The following CATSPERT variants were observed in gnomAD, a reference collection of about 807,000 sequenced individuals.
CATSPERT encodes catsper channel auxiliary subunit tau, also known as cation channel sperm-associated targeting subunit tau.
chr2:201,599,423 C>T, the CATSPERT span, among the ~76,000 whole-genome samples: 1 of 152,106 alleles, frequency 6.6e-6, no homozygotes, highest in African/African-American at 2.4e-5. Context: ...TATTATCTCT[C>T]AATTCTCCCC....
At chr2:201,524,122 C>A in the CATSPERT span, among the ~76,000 whole-genome samples, 1 of 151,904 alleles carries the variant, frequency 6.6e-6, no homozygotes, top group Non-Finnish European at 1.5e-5. Flanking sequence ...ATATAGTTAT[C>A]CCCATCACCA....
the CATSPERT span, among the ~76,000 whole-genome samples, chr2:201,616,512 T>G: frequency 6.6e-6 from 1 of 152,206 alleles, no homozygotes; most frequent in Admixed American, 6.5e-5. Context: ...CAACAGCCCT[T>G]CATGCTAAAA....
At chr2:201,530,135 C>G in the CATSPERT span, among the ~76,000 whole-genome samples, 1 of 151,980 alleles carries the variant, frequency 6.6e-6, no homozygotes, top group Non-Finnish European at 1.5e-5. Flanking sequence ...AAAAGGGAAC[C>G]CTTGTACACT....
chr2:201,496,592 C>T, the CATSPERT span, among the ~76,000 whole-genome samples: 1 of 152,226 alleles, frequency 6.6e-6, no homozygotes. Flanking sequence ...ATCCGTTTTC[C>T]TTGGCCTCCC....
chr2:201,592,896 C>T, the CATSPERT span, among the ~76,000 whole-genome samples: 7 of 152,032 alleles, frequency 4.6e-5, no homozygotes, highest in Admixed American at 1.3e-4. Flanking sequence ...GTCTTGCTAG[C>T]GGTCTATCAA....
chr2:201,602,676 C>T, the CATSPERT span, among the ~76,000 whole-genome samples: 1 of 152,036 alleles, frequency 6.6e-6, no homozygotes, highest in African/African-American at 2.4e-5. Flanking sequence ...GTTACTCTCA[C>T]ATCAAAAAGT....
chr2:201,541,565 ATATATATATATAT>A, the CATSPERT span, among the ~76,000 whole-genome samples: 3 of 103,332 alleles, frequency 2.9e-5, no homozygotes, highest in African/African-American at 4.0e-5. Flanking sequence ...ATATATATAT[ATATATATATATAT>A]AAAATTTACA....
chr2:201,515,753 A>G, the CATSPERT span, among the ~76,000 whole-genome samples: 42 of 152,280 alleles, frequency 2.8e-4, no homozygotes, highest in African/African-American at 8.9e-4. Flanking sequence ...CAAATCTCAT[A>G]TCAAATTGTA....
chr2:201,489,859 ATT>A, the CATSPERT span, among the ~76,000 whole-genome samples: 1 of 142,822 alleles, frequency 7.0e-6, no homozygotes, highest in Non-Finnish European at 1.5e-5. Flanking sequence ...TACTTTCCTA[ATT>A]TTTTTTTTTT....
chr2:201,619,062 G>C, the CATSPERT span: 3 of 1,614,176 alleles, frequency 1.9e-6, no homozygotes, highest in Non-Finnish European at 2.5e-6. Flanking sequence ...TGGCGGACAG[G>C]ACTTGGACCT....
At chr2:201,584,348 G>A in the CATSPERT span, among the ~76,000 whole-genome samples, 2 of 152,042 alleles carry the variant, frequency 1.3e-5, no homozygotes, top group African/African-American at 4.8e-5. Context: ...GGAATGCTGG[G>A]CAGAGAGACA....
chr2:201,493,395 G>A, the CATSPERT span: 17 of 1,536,878 alleles, frequency 1.1e-5, no homozygotes, highest in South Asian at 3.6e-5. Flanking sequence ...GTTCTGTCTC[G>A]CTTCTGATTT....
the CATSPERT span, chr2:201,511,845 TAAAAAAAAAA>T: frequency 1.2e-5 from 1 of 86,628 alleles, no homozygotes; most frequent in Non-Finnish European, 2.2e-5. Context: ...CTTGGCTCAT[TAAAAAAAAAA>T]AAAAAAAAAA....
the CATSPERT span, among the ~76,000 whole-genome samples, chr2:201,542,250 C>T: frequency 6.6e-6 from 1 of 152,004 alleles, no homozygotes; most frequent in Non-Finnish European, 1.5e-5. Flanking sequence ...TGTGTGTATA[C>T]CACATTTTGT....
the CATSPERT span, chr2:201,601,769 C>T: frequency 2.9e-5 from 47 of 1,611,364 alleles, no homozygotes; most frequent in East Asian, 6.7e-5. Context: ...CTTCATCGAA[C>T]TTAATTACAG....
chr2:201,585,201 G>A, the CATSPERT span, among the ~76,000 whole-genome samples: 2 of 151,940 alleles, frequency 1.3e-5, no homozygotes, highest in African/African-American at 4.8e-5. Flanking sequence ...CATGGACACA[G>A]GGGAGGGGAA....
chr2:201,581,926 C>A, the CATSPERT span, among the ~76,000 whole-genome samples: 1 of 151,854 alleles, frequency 6.6e-6, no homozygotes, highest in Non-Finnish European at 1.5e-5. Flanking sequence ...CTATTATAAG[C>A]CAACTCTTTT....
At chr2:201,489,559 T>C in the CATSPERT span, among the ~76,000 whole-genome samples, 3 of 152,196 alleles carry the variant, frequency 2.0e-5, no homozygotes, top group Non-Finnish European at 4.4e-5. Flanking sequence ...TATAGCTATA[T>C]AATATTTACC....
the CATSPERT span, among the ~76,000 whole-genome samples, chr2:201,576,702 A>G: frequency 6.6e-6 from 1 of 152,312 alleles, no homozygotes; most frequent in East Asian, 1.9e-4. Context: ...GTACTTAAGG[A>G]GAACTGGCTC....
Sources: allele counts gnomAD v4.1 joint callset (sites outside exome capture counted in the v4.1 genomes callset), GRCh38; gene constraint gnomAD v4.1.1; transcripts MANE v1.5; gene names NCBI Gene and HGNC (gene_info 2026-07-23, HGNC 2026-07-21).